Variants in TMEM260 observed in about 807,000 individuals in gnomAD.
TMEM260 encodes the protein protein O-mannosyl-transferase TMEM260.
A neutral mutation model predicts 88.9 loss-of-function variants in TMEM260; 82 were observed. That is an observed-to-expected ratio of 0.92 (90% CI 0.77 to 1.11). The LOEUF (loss-of-function observed/expected upper bound fraction) is 1.11, where lower values mean the gene tolerates loss of function less well. Ranked by LOEUF, TMEM260 falls within the 50% of genes least tolerant of loss-of-function variation. The pLI, the probability that TMEM260 is intolerant of heterozygous loss-of-function variation, is 0.00. For missense variants in TMEM260, 902 were observed against 853.4 expected (o/e 1.06, Z -0.71); for synonymous variants, 314 against 309.3 (o/e 1.02, Z -0.16).
downstream of TMEM260, among the ~76,000 whole-genome samples, chr14:56,649,746 G>A (rs1890163069): frequency 6.6e-6 from 1 of 152,146 alleles, no homozygotes; most frequent in Non-Finnish European, 1.5e-5. Flanking sequence ...ATATGTGTCT[G>A]TACTATAGAG....
chr14:56,607,601 A>G (rs1296777755), intron 5 of TMEM260, among the ~76,000 whole-genome samples: 1 of 152,130 alleles, frequency 6.6e-6, no homozygotes, highest in African/African-American at 2.4e-5. Flanking sequence ...GCTTTTAAAA[A>G]GTCCGTGTTT....
chr14:56,583,236 T>G (rs1166746552), intron 1 of TMEM260, among the ~76,000 whole-genome samples: 7 of 152,216 alleles, frequency 4.6e-5, no homozygotes, highest in Non-Finnish European at 1.0e-4. Flanking sequence ...AGGGAACAGT[T>G]GTTTGAGACA....
At position 56,634,900 on chromosome 14, in the gene TMEM260, T is replaced by G; in HGVS notation, c.1726T>G (p.Phe576Val). Residue 576 changes from phenylalanine (F) to valine (V), a missense_variant and splice_region_variant, in exon 14 of 16, where the codon TTT (phenylalanine) becomes GTT (valine). Coordinates refer to ENST00000261556, the MANE Select transcript of TMEM260 (RefSeq NM_017799.4). ...ATTACTGTTTTCTTGTAACTACAGG[T>G]TTGATCCATCTTCTTGGGAATCTGT... ...IYNWTEEYGR[F>V]DPSSWESVAN... 2 of 1,613,576 alleles carry G rather than the reference T, an allele frequency of 1.2e-6. No individual in the cohort carries two copies. Among genetic ancestry groups the G allele is most frequent in the East Asian group, 4.5e-5 (2 of 44,854 alleles).
chr14:56,579,557 C>A (rs575244787), upstream of TMEM260: 1 of 209,544 alleles, frequency 4.8e-6, no homozygotes, highest in South Asian at 1.9e-4. Flanking sequence ...CTCTGTCAGA[C>A]CCAACCAAGT....
chr14:56,594,231 T>A (rs10139142), intron 3 of TMEM260, among the ~76,000 whole-genome samples: 1 of 151,598 alleles, frequency 6.6e-6, no homozygotes, highest in African/African-American at 2.4e-5. Flanking sequence ...TATCATAAAG[T>A]GTTCTCAAGT....
chr14:56,659,850 A>C, the TMEM260 span, among the ~76,000 whole-genome samples: 1 of 152,210 alleles, frequency 6.6e-6, no homozygotes, highest in Non-Finnish European at 1.5e-5. Context: ...GAAGATGTGA[A>C]ATTAAACACA....
chr14:56,608,665 A>G (rs1040079567), intron 5 of TMEM260, among the ~76,000 whole-genome samples: 3 of 150,624 alleles, frequency 2.0e-5, no homozygotes, highest in Admixed American at 2.0e-4. Context: ...ATATAATCAT[A>G]GTAATATATA....
chr14:56,627,658 TC>T (rs71980937), intron 12 of TMEM260, among the ~76,000 whole-genome samples: 8,434 of 151,862 alleles, frequency 0.056, 492 homozygotes, highest in African/African-American at 0.13. Context: ...GAGATATTTT[TC>T]CCCCCCAAAG....
chr14:56,661,103 C>T, the TMEM260 span, among the ~76,000 whole-genome samples: 5 of 152,222 alleles, frequency 3.3e-5, no homozygotes, highest in African/African-American at 1.2e-4. Flanking sequence ...GCCTCCCTCC[C>T]ACTACTGCCC....
chr14:56,608,909 G>C (rs1471689303), intron 5 of TMEM260, among the ~76,000 whole-genome samples, 197 bp from the exon 6 acceptor site: 1 of 152,200 alleles, frequency 6.6e-6, no homozygotes, highest in Non-Finnish European at 1.5e-5. Flanking sequence ...CCATGCAAAG[G>C]AGTTCAGGCT....
At chr14:56,639,319 G>A (rs1464343138) in intron 15 of TMEM260, among the ~76,000 whole-genome samples, 1 of 152,132 alleles carries the variant, frequency 6.6e-6, no homozygotes, top group Non-Finnish European at 1.5e-5. Flanking sequence ...TAATTGGATT[G>A]TAACACAAAG....
At chr14:56,656,689 A>T in the TMEM260 span, among the ~76,000 whole-genome samples, 3 of 152,158 alleles carry the variant, frequency 2.0e-5, no homozygotes, top group Non-Finnish European at 2.9e-5. Flanking sequence ...TAGTATGTTT[A>T]AAAACGTCTT....
intron 1 of TMEM260, among the ~76,000 whole-genome samples, chr14:56,582,398 G>A (rs375358792): frequency 2.6e-4 from 39 of 152,242 alleles, no homozygotes; most frequent in African/African-American, 8.9e-4. Context: ...TAGTTTGTAC[G>A]TGAGTTTATT....
At chr14:56,661,566 G>C in the TMEM260 span, among the ~76,000 whole-genome samples, 1 of 150,016 alleles carries the variant, frequency 6.7e-6, no homozygotes, top group African/African-American at 2.5e-5. Flanking sequence ...GAGGGAAAGA[G>C]GGAAGGGAGG....
chr14:56,587,898 A>G (rs1220452271), intron 3 of TMEM260, among the ~76,000 whole-genome samples: 5 of 152,066 alleles, frequency 3.3e-5, no homozygotes, highest in Admixed American at 6.6e-5. Flanking sequence ...GGAAGAAGAC[A>G]TTATACAATG....
At position 56,631,517 on chromosome 14, in the gene TMEM260, G is replaced by A. The variant is rs775526119; in HGVS notation, c.1548-1478G>A. On this transcript the variant is annotated intron_variant, in intron 12 of 15. Transcript: ENST00000261556. ...GCGTGCCTGTAATCCCAGCTACTCC[G>A]GAGGCTGAGGCAGGAGGATTGCTTG... is the stretch of plus-strand genomic sequence containing the variant. Among the ~76,000 whole-genome samples the A allele has an allele frequency of 1.1e-4, 17 of 152,176 alleles. 1 individual carries two copies. Among genetic ancestry groups the A allele is most frequent in the South Asian group, 6.2e-4 (3 of 4,810 alleles).
chr14:56,652,616 G>T (rs10146363), downstream of TMEM260, among the ~76,000 whole-genome samples: 6,215 of 152,156 alleles, frequency 0.041, 208 homozygotes, highest in Middle Eastern at 0.13. Context: ...AAAAAACTAG[G>T]GTTCCTTAGT....
At chr14:56,635,539 ATCCTG>A (rs1166027715) in intron 14 of TMEM260, among the ~76,000 whole-genome samples, 1 of 152,194 alleles carries the variant, frequency 6.6e-6, no homozygotes, top group African/African-American at 2.4e-5. Flanking sequence ...GACAGCTGTC[ATCCTG>A]TCCTGTATGG....
chr14:56,589,660 C>A (rs989966328), intron 3 of TMEM260, among the ~76,000 whole-genome samples: 1 of 152,072 alleles, frequency 6.6e-6, no homozygotes, highest in African/African-American at 2.4e-5. Context: ...AAAGAACGTA[C>A]GATCAATTTC....
Sources: allele counts gnomAD v4.1 joint callset (sites outside exome capture counted in the v4.1 genomes callset), GRCh38; gene constraint gnomAD v4.1.1; transcripts MANE v1.5; gene names NCBI Gene and HGNC (gene_info 2026-07-23, HGNC 2026-07-21).